The following PSMG2 variants were observed in gnomAD, a reference collection of about 807,000 sequenced individuals.
The protein encoded by PSMG2 is CD40 ligand-activated specific transcript 3.
Under a neutral mutation model 31.5 loss-of-function variants are expected in PSMG2, and 21 were observed. That is an observed-to-expected ratio of 0.67 (90% confidence interval 0.47 to 0.96). The LOEUF (loss-of-function observed/expected upper bound fraction) is 0.96, where lower values mean the gene tolerates loss of function less well. PSMG2 is among the 40% of genes least tolerant of loss of function. The pLI is 0.00. For missense variants in PSMG2, 318 were observed against 321.2 expected (o/e 0.99, Z 0.08); for synonymous variants, 120 against 110.4 (o/e 1.09, Z -0.54).
chr18:12,662,360 C>T (rs1339399363), intron 1 of PSMG2, among the ~76,000 whole-genome samples: 7 of 152,182 alleles, frequency 4.6e-5, no homozygotes, highest in Non-Finnish European at 1.0e-4. Context: ...AGAGAAAATA[C>T]AGTCATAGGA....
At chr18:12,694,675 C>T (rs1364122620) in intron 1 of PSMG2, among the ~76,000 whole-genome samples, 3 of 151,952 alleles carry the variant, frequency 2.0e-5, no homozygotes, top group Non-Finnish European at 4.4e-5. Context: ...TTGCACTTTA[C>T]TCTTTGATCT....
rs113784090 is a variant in PSMG2, at chr18:12,669,123, CTT to C, written c.-37+10358_-37+10359del. Among the ~76,000 whole-genome samples the C allele has an allele frequency of 1.5e-4, 18 of 118,934 alleles. No homozygotes were observed. In the East Asian group the frequency reaches 3.9e-3, roughly 26 times the overall value. The allele number at this position is 118,934 out of a possible 152,430, so 78.0% of individuals were successfully genotyped here. A position where few individuals can be genotyped will look rare whatever the true frequency, so the allele number is the denominator to read the frequency against. On this transcript the variant is annotated intron_variant, in intron 1 of 6. Transcript: ENST00000585331. ...GTGTGATCTCAGCTCACGGCAACCT[CTT>C]TTTTTTTGAGACAGAGTTTCACTGT...
chr18:12,711,529 G>A (rs921864935), intron 2 of PSMG2, among the ~76,000 whole-genome samples: 1 of 152,044 alleles, frequency 6.6e-6, no homozygotes, highest in Admixed American at 6.6e-5. Flanking sequence ...CATACCTGGT[G>A]CTTGCTAGAT....
upstream of PSMG2, chr18:12,702,987 C>T: frequency 8.7e-7 from 1 of 1,148,208 alleles, no homozygotes; most frequent in Non-Finnish European, 1.2e-6. Context: ...GCCCGGCGCC[C>T]AGGGACTCAA....
Position 12,703,106 on chromosome 18 carries a change from C to T in PSMG2, c.-2C>T. On this transcript the variant is annotated 5_prime_UTR_variant, in exon 1 of 7. Transcript: ENST00000317615. ...GTCCCTGCTGGCCACCCCACTGCGA[C>T]CATGTTCGTTCCCTGCGGGGAGTCG... 3.1e-6 allele frequency: 5 copies of T among 1,612,490 alleles called. No individual in the cohort carries two copies. In the Middle Eastern group the frequency reaches 8.2e-4, roughly 266 times the overall value.
intron 1 of PSMG2, among the ~76,000 whole-genome samples, chr18:12,672,363 A>G (rs1439284245): frequency 3.3e-5 from 5 of 152,000 alleles, no homozygotes; most frequent in Admixed American, 1.3e-4. Context: ...TGATCCACCC[A>G]CCTCGGCCTC....
chr18:12,666,761 A>T (rs560744641), intron 1 of PSMG2, among the ~76,000 whole-genome samples: 1 of 152,124 alleles, frequency 6.6e-6, no homozygotes, highest in East Asian at 1.9e-4. Flanking sequence ...AAAAAAAAAA[A>T]CTTTTGAATT....
At chr18:12,716,946 T>C (rs796387524) in intron 3 of PSMG2, among the ~76,000 whole-genome samples, 27 of 138,242 alleles carry the variant, frequency 2.0e-4, no homozygotes, top group African/African-American at 7.0e-4. Flanking sequence ...TTTTTTCTTT[T>C]ACTTTTTTTT....
chr18:12,702,573 G>A (rs200518965), upstream of PSMG2: 6 of 1,583,388 alleles, frequency 3.8e-6, no homozygotes, highest in East Asian at 1.1e-4. Flanking sequence ...TCTCCCCGCC[G>A]CTTCTCCCCG....
Position 12,706,604 on chromosome 18 carries a change from A to G in PSMG2, c.112A>G (p.Thr38Ala). 1 of 1,614,142 alleles carries G rather than the reference A, an allele frequency of 6.2e-7. No homozygotes were observed. Among genetic ancestry groups the G allele is most frequent in the Non-Finnish European group, 8.5e-7 (1 of 1,180,006 alleles). The change falls in exon 2 of 7, where the codon ACA becomes GCA. Residue 38 changes from threonine to alanine, a missense_variant. By Grantham distance (58) the Thr-to-Ala change is moderately conservative. Transcript: ENST00000317615. The part of the protein sequence containing the change: ...GQLAMDLIIS[T>A]LNMSKIGYFY... ...GCTTGCAATGGATCTGATTATTTCT[A>G]CACTGAATATGTCTAAGATTGGTTA...
At chr18:12,702,553 G>A (rs2040197133), upstream of PSMG2, 22 of 1,583,100 alleles carry the variant, frequency 1.4e-5, no homozygotes, top group Non-Finnish European at 1.7e-5. Context: ...CGACATGCTG[G>A]CAGCCGGCGT....
At chr18:12,691,502 A>C (rs773673831) in intron 1 of PSMG2, 35 of 1,569,824 alleles carry the variant, frequency 2.2e-5, no homozygotes, top group Non-Finnish European at 2.8e-5. Flanking sequence ...AAATTGAAAA[A>C]AATATTTTTC....
intron 1 of PSMG2, among the ~76,000 whole-genome samples, chr18:12,706,201 G>C (rs1455922943): frequency 6.6e-6 from 1 of 152,190 alleles, no homozygotes; most frequent in Non-Finnish European, 1.5e-5. Context: ...AGGCGTGTTG[G>C]CTCACGCCTG....
intron 4 of PSMG2, among the ~76,000 whole-genome samples, chr18:12,719,840 C>G (rs945522257): frequency 4.0e-5 from 6 of 149,216 alleles, no homozygotes; most frequent in Admixed American, 3.4e-4. Context: ...TCTCCTGCCT[C>G]AGCCTCCCGA....
chr18:12,687,780 G>A (rs1309506726), intron 1 of PSMG2, among the ~76,000 whole-genome samples: 1 of 151,614 alleles, frequency 6.6e-6, no homozygotes, highest in East Asian at 1.9e-4. Context: ...TAAAACAGAG[G>A]ATTATTATTC....
At chr18:12,670,250 A>T (rs1427601939) in intron 1 of PSMG2, among the ~76,000 whole-genome samples, 1 of 151,472 alleles carries the variant, frequency 6.6e-6, no homozygotes, top group Admixed American at 6.6e-5. Context: ...GAACTGCTTG[A>T]ACCTGCGAGG....
At chr18:12,660,968 G>C (rs1380440717) in intron 1 of PSMG2, among the ~76,000 whole-genome samples, 1 of 152,036 alleles carries the variant, frequency 6.6e-6, no homozygotes, top group Non-Finnish European at 1.5e-5. Context: ...TTTGTATAAA[G>C]ACTATAACTT....
intron 3 of PSMG2, among the ~76,000 whole-genome samples, chr18:12,714,004 G>T (rs1225954631): frequency 2.6e-5 from 4 of 152,054 alleles, no homozygotes; most frequent in Non-Finnish European, 5.9e-5. Flanking sequence ...ACCCACCTTG[G>T]CCTTTCAAAT....
chr18:12,712,423 C>T (rs961992281), intron 2 of PSMG2, among the ~76,000 whole-genome samples: 1 of 152,104 alleles, frequency 6.6e-6, no homozygotes, highest in Admixed American at 6.5e-5. Flanking sequence ...GAATACTTCT[C>T]TGGTTTTGCA....
Sources: allele counts gnomAD v4.1 joint callset (sites outside exome capture counted in the v4.1 genomes callset), GRCh38; gene constraint gnomAD v4.1.1; transcripts MANE v1.5; gene names NCBI Gene and HGNC (gene_info 2026-07-23, HGNC 2026-07-21).